The following CYB5B variants were observed in gnomAD, a reference collection of about 807,000 sequenced individuals.
The protein encoded by CYB5B is cytochrome b5 type B, also known as cytochrome b5 type B (outer mitochondrial membrane).
In CYB5B, 14 loss-of-function variants were observed where a neutral mutation model predicts 21.3. That is an observed-to-expected ratio of 0.66 (90% CI 0.43 to 1.03). CYB5B has a LOEUF of 1.03. Among genes scored for constraint, CYB5B ranks in the 50% least tolerant of loss-of-function variants. CYB5B has a pLI of 0.00. For missense variants in CYB5B, 166 were observed against 185.1 expected, an observed-to-expected ratio of 0.90 and a Z score of 0.60; for synonymous variants, 69 against 68.4, an observed-to-expected ratio of 1.01 and a Z score of -0.04.
At chr16:69,437,578 A>G (rs1345451047) in intron 1 of CYB5B, among the ~76,000 whole-genome samples, 1 of 152,062 alleles carries the variant, frequency 6.6e-6, no homozygotes, top group African/African-American at 2.4e-5. Flanking sequence ...AGATATATAA[A>G]CCTAACTTTA....
chr16:69,453,812 G>T (rs180737605), intron 3 of CYB5B, among the ~76,000 whole-genome samples: 1 of 152,222 alleles, frequency 6.6e-6, no homozygotes, highest in Admixed American at 6.5e-5. Context: ...ACCTGCCTTG[G>T]CCTCTCAAAG....
chr16:69,434,460 C>A (rs1006391267), intron 1 of CYB5B, among the ~76,000 whole-genome samples: 1 of 152,172 alleles, frequency 6.6e-6, no homozygotes, highest in Admixed American at 6.5e-5. Flanking sequence ...AGAGCATTTT[C>A]CAAAGTGTTT....
At chr16:69,427,773 A>G (rs1436389981) in intron 1 of CYB5B, among the ~76,000 whole-genome samples, 1 of 151,924 alleles carries the variant, frequency 6.6e-6, no homozygotes, top group Non-Finnish European at 1.5e-5. Context: ...AGGTGGGCAG[A>G]TCATGAGGTA....
rs528219374 is a variant in CYB5B, at chr16:69,435,005, C to T, written c.174+10148C>T. On this transcript the variant is annotated intron_variant, in intron 1 of 4. Transcript: ENST00000307892. Reference sequence around the variant, plus strand: ...TTATATATGCCTTTTTATGAAGTATCTGGTCTTGCCCTTTGTAAAATTGGG... The same window carrying T: ...TTATATATGCCTTTTTATGAAGTATTTGGTCTTGCCCTTTGTAAAATTGGG... 9.2e-5 allele frequency among the ~76,000 whole-genome samples: 14 copies of T among 152,068 alleles called. No homozygotes were observed. In the South Asian group the frequency reaches 2.3e-3, roughly 25 times the overall value.
chr16:69,465,558 A>T lies in CYB5B; in HGVS notation c.*3038A>T, dbSNP rs2015080932. ...CTGTAAAGTTGTTTTAGCAGTTGTC[A>T]TAAATGCATATGTTGTGAAATCAGA... On this transcript the variant is annotated 3_prime_UTR_variant, in exon 5 of 5. Transcript: ENST00000307892. The T allele has an allele frequency of 6.6e-6, 1 of 152,250 alleles. No homozygotes were observed. The highest frequency in any genetic ancestry group is 1.5e-5 in the Non-Finnish European group (1 of 68,044). 9.4% of individuals were successfully genotyped at this position (152,250 alleles called of 1,614,324 possible). A position where few individuals can be genotyped will look rare whatever the true frequency, so the allele number is the denominator to read the frequency against.
chr16:69,428,606 A>G (rs141576729), intron 1 of CYB5B, among the ~76,000 whole-genome samples: 290 of 152,274 alleles, frequency 1.9e-3, no homozygotes, highest in African/African-American at 6.5e-3. Context: ...CAGCGATCCA[A>G]GATTGTGGCA....
intron 1 of CYB5B, among the ~76,000 whole-genome samples, chr16:69,440,745 C>CGTGTGTGTTGCGTGTGTGTGT (rs2014811765): frequency 1.4e-5 from 2 of 146,318 alleles, no homozygotes; most frequent in African/African-American, 2.6e-5. Context: ...GTGTGTGTTG[C>CGTGTGTGTTGCGTGTGTGTGT]GTGTGTGTGT....
intron 1 of CYB5B, among the ~76,000 whole-genome samples, chr16:69,433,077 C>T (rs1409988695): frequency 6.6e-6 from 1 of 152,192 alleles, no homozygotes; most frequent in Non-Finnish European, 1.5e-5. Context: ...GGATTACAGG[C>T]CTGAGCCACC....
At chr16:69,436,218 G>T (rs1403374081) in intron 1 of CYB5B, among the ~76,000 whole-genome samples, 2 of 152,184 alleles carry the variant, frequency 1.3e-5, no homozygotes, top group African/African-American at 4.8e-5. Context: ...GCCATGAATG[G>T]GACAGGCGTG....
At chr16:69,435,588 G>C (rs1012950348) in intron 1 of CYB5B, among the ~76,000 whole-genome samples, 3 of 152,106 alleles carry the variant, frequency 2.0e-5, no homozygotes, top group African/African-American at 7.2e-5. Context: ...TCAAAAGAAA[G>C]TTGATTGTTG....
chr16:69,453,978 C>T (rs1170093468), intron 3 of CYB5B, among the ~76,000 whole-genome samples: 1 of 152,192 alleles, frequency 6.6e-6, no homozygotes, highest in Non-Finnish European at 1.5e-5. Context: ...GCTGAGGGTT[C>T]TCAAGGACTA....
chr16:69,444,907 T>C (rs558533450), intron 1 of CYB5B, among the ~76,000 whole-genome samples: 1 of 152,336 alleles, frequency 6.6e-6, no homozygotes, highest in East Asian at 1.9e-4. Context: ...TTTTTCCAAA[T>C]TTACCACAGC....
chr16:69,459,210 T>C (rs2015010194), intron 4 of CYB5B, 89 bp downstream of exon 4: 3 of 1,472,370 alleles, frequency 2.0e-6, no homozygotes, highest in African/African-American at 1.4e-5. Flanking sequence ...ACATAACTTA[T>C]GAGTGCAGTT....
chr16:69,437,960 A>C (rs1412406939), intron 1 of CYB5B, among the ~76,000 whole-genome samples: 1 of 152,180 alleles, frequency 6.6e-6, no homozygotes, highest in Non-Finnish European at 1.5e-5. Context: ...CATACAGTTC[A>C]ATGGCATTAA....
At chr16:69,452,506 C>T (rs2014945189) in intron 3 of CYB5B, among the ~76,000 whole-genome samples, 1 of 151,612 alleles carries the variant, frequency 6.6e-6, no homozygotes, top group South Asian at 2.1e-4. Context: ...CATGGCGAAA[C>T]CCCGTTTCTA....
chr16:69,459,333 C>A, intron 4 of CYB5B: 1 of 541,876 alleles, frequency 1.8e-6, no homozygotes, highest in Non-Finnish European at 3.1e-6. Context: ...AGTTTCATGC[C>A]TTGAGTCATT....
intron 1 of CYB5B, among the ~76,000 whole-genome samples, chr16:69,445,793 T>C (rs2014871737): frequency 6.6e-6 from 1 of 151,970 alleles, no homozygotes; most frequent in Non-Finnish European, 1.5e-5. Context: ...CCCGTCTCTA[T>C]TAAAAATACA....
At chr16:69,452,938 G>T (rs111399823) in intron 3 of CYB5B, among the ~76,000 whole-genome samples, 10 of 151,554 alleles carry the variant, frequency 6.6e-5, no homozygotes, top group Admixed American at 2.0e-4. Flanking sequence ...GGCGGAGGTT[G>T]CAATGAGCCG....
At chr16:69,436,731 T>A (rs246144) in intron 1 of CYB5B, among the ~76,000 whole-genome samples, 129,508 of 152,152 alleles carry the variant, frequency 0.85, 55,527 homozygotes, top group African/African-American at 0.95. Flanking sequence ...TCATTTTCCA[T>A]GTCAGGTGAT....
Sources: gnomAD v4.1 joint callset for allele counts (sites outside exome capture counted in the v4.1 genomes callset) on GRCh38, gnomAD v4.1.1 for gene constraint, MANE v1.5 for transcripts, NCBI Gene and HGNC (gene_info 2026-07-23, HGNC 2026-07-21) for gene names.